The following MRE11 variants were observed in gnomAD, a reference collection of about 807,000 sequenced individuals.
MRE11 encodes the protein MRE11 double strand break repair nuclease.
Under a neutral mutation model 91.7 loss-of-function variants are expected in MRE11, and 62 were observed. The observed-to-expected ratio is 0.68, with a 90% CI of 0.55 to 0.84. The LOEUF is 0.84. MRE11 is among the 40% of genes least tolerant of loss of function. The probability of loss-of-function intolerance (pLI) is 0.00; values close to 1 mark genes in which losing one functional copy is unlikely to be tolerated. For missense variants in MRE11, 796 were observed against 852.9 expected (o/e 0.93, Z 0.83); for synonymous variants, 273 against 271.4 (o/e 1.01, Z -0.06).
intron 7 of MRE11, among the ~76,000 whole-genome samples, chr11:94,474,052 T>C (rs1946787460): frequency 6.6e-6 from 1 of 152,138 alleles, no homozygotes; most frequent in South Asian, 2.1e-4. Context: ...TATACACATA[T>C]ATCTATTCCC....
intron 6 of MRE11, among the ~76,000 whole-genome samples, chr11:94,476,766 G>T (rs1946871677): frequency 1.3e-5 from 2 of 151,862 alleles, no homozygotes; most frequent in Admixed American, 6.6e-5. Context: ...CATTGCCCAG[G>T]CTGGAGTGCA....
intron 18 of MRE11, among the ~76,000 whole-genome samples, chr11:94,431,938 A>T (rs144141622): frequency 6.6e-6 from 1 of 152,352 alleles, no homozygotes; most frequent in East Asian, 1.9e-4. Context: ...CAAAAATATC[A>T]GAATAGCATT....
chr11:94,506,418 G>T, the MRE11 span, among the ~76,000 whole-genome samples: 1 of 151,594 alleles, frequency 6.6e-6, no homozygotes, highest in Non-Finnish European at 1.5e-5. Context: ...ATATGCATTG[G>T]TATATAATTG....
chr11:94,478,107 T>C (rs2135081329), intron 6 of MRE11, among the ~76,000 whole-genome samples: 1 of 152,140 alleles, frequency 6.6e-6, no homozygotes, highest in Non-Finnish European at 1.5e-5. Context: ...CAGGATAAGA[T>C]AAGAGTTTGG....
At chr11:94,435,725 A>G in intron 18 of MRE11, 107 bp downstream of exon 18, 2 of 914,746 alleles carry the variant, frequency 2.2e-6, no homozygotes, top group East Asian at 4.9e-5. Context: ...CTAGTTGAAA[A>G]TAAGTCTGTT....
intron 11 of MRE11, among the ~76,000 whole-genome samples, chr11:94,463,896 G>A (rs1262186952): frequency 2.0e-5 from 3 of 152,058 alleles, no homozygotes; most frequent in Non-Finnish European, 4.4e-5. Context: ...AAACCTGCAC[G>A]TTGTGCACAT....
upstream of MRE11, chr11:94,497,811 C>A: frequency 5.2e-6 from 2 of 385,406 alleles, no homozygotes; most frequent in South Asian, 4.7e-5. Context: ...TTAGTTGGAC[C>A]AGGAGTAAAT....
intron 13 of MRE11, among the ~76,000 whole-genome samples, chr11:94,459,136 A>C (rs2134987808): frequency 6.6e-6 from 1 of 152,312 alleles, no homozygotes; most frequent in East Asian, 1.9e-4. Flanking sequence ...ACCATCCTAC[A>C]AGGTTCACTT....
At chr11:94,421,598 C>T (rs1013258534) in intron 19 of MRE11, among the ~76,000 whole-genome samples, 2 of 152,198 alleles carry the variant, frequency 1.3e-5, no homozygotes, top group African/African-American at 4.8e-5. Context: ...CTGGAAGCAA[C>T]ATGTTAGTAT....
At chr11:94,437,718 C>T (rs1329687334) in intron 16 of MRE11, among the ~76,000 whole-genome samples, 2 of 152,186 alleles carry the variant, frequency 1.3e-5, no homozygotes, top group African/African-American at 2.4e-5. Context: ...TAGAAAACAG[C>T]ATTCTATGAT....
At chr11:94,447,121 G>T in intron 15 of MRE11, 98 bp downstream of exon 15, 4 of 1,248,020 alleles carry the variant, frequency 3.2e-6, no homozygotes, top group Non-Finnish European at 4.6e-6. Context: ...CCGTGTTTTA[G>T]AAATAAAACT....
chr11:94,453,341 G>A lies in MRE11; in HGVS notation c.1563+2935C>T, dbSNP rs372728713. Among the ~76,000 whole-genome samples, 17 of 152,300 alleles carry A rather than the reference G, an allele frequency of 1.1e-4. No individual in the cohort carries two copies. In the East Asian group the frequency reaches 2.9e-3, roughly 26 times the overall value. ...AATTCTTTTGGTTATGTACCTAGAA[G>A]TGAAATTGCTATATTACATGATAAT... On this transcript the variant is annotated intron_variant, in intron 14 of 19. Transcript: ENST00000323929.
At chr11:94,440,600 A>C (rs1169739105) in intron 16 of MRE11, among the ~76,000 whole-genome samples, 1 of 152,184 alleles carries the variant, frequency 6.6e-6, no homozygotes, top group Non-Finnish European at 1.5e-5. Context: ...TCCTGAAGAA[A>C]AATAGAGAGG....
rs1555015159 is a variant in MRE11 at position 94,478,761 on chromosome 11, C to A, written c.518G>T (p.Ser173Ile). The change falls in exon 6 of 20, where the codon AGC becomes ATC. Residue 173 changes from serine to isoleucine, a missense_variant. Transcript: ENST00000323929. ...TAAACCATATAGCGCAATCTTTGTGCTTCCTTTTTGAAGCAAAACCGGACT... is the reference window on the plus strand; with the variant it reads ...TAAACCATATAGCGCAATCTTTGTGATTCCTTTTTGAAGCAAAACCGGACT... ...DISPVLLQKG[S>I]TKIALYGLGS... The A allele has an allele frequency of 1.9e-6, 3 of 1,613,086 alleles. No individual in the cohort carries two copies. In the Admixed American group the frequency reaches 5.0e-5, roughly 27 times the overall value.
At chr11:94,470,675 G>C (rs1249832257) in intron 8 of MRE11, 33 bp from the exon 9 acceptor site, 1 of 1,609,788 alleles carries the variant, frequency 6.2e-7, no homozygotes, top group African/African-American at 1.3e-5. Context: ...CCGAGTCACA[G>C]TGTAAATTTC....
At chr11:94,510,934 T>C in the MRE11 span, among the ~76,000 whole-genome samples, 3 of 152,204 alleles carry the variant, frequency 2.0e-5, no homozygotes, top group African/African-American at 7.2e-5. Flanking sequence ...GATTTTTGTA[T>C]GTTTTGTTCA....
intron 2 of MRE11, 37 bp from the exon 3 acceptor site, chr11:94,491,002 T>C (rs1487158907): frequency 8.5e-7 from 1 of 1,171,820 alleles, no homozygotes; most frequent in East Asian, 2.6e-5. Context: ...AATATATTAA[T>C]AATTCATTAA....
In MRE11 at chr11:94,490,907, C is replaced by T; in HGVS notation, c.79G>A (p.Glu27Lys). The T allele has an allele frequency of 6.3e-7, 1 of 1,596,368 alleles. No individual in the cohort carries two copies. Among genetic ancestry groups the T allele is most frequent in the Non-Finnish European group, 8.6e-7 (1 of 1,164,364 alleles). Residue 27 changes from glutamate (E) to lysine (K), a missense_variant, in exon 3 of 20, where the codon GAG becomes AAG. Glu to Lys is a moderately conservative substitution (Grantham distance 56). Transcript: ENST00000323929. ...TCATTTCCTCTGACTGCATCTTTCTCCATAAATCCAAGATGAATATCTGTT... is the reference window on the plus strand; with the variant it reads ...TCATTTCCTCTGACTGCATCTTTCTTCATAAATCCAAGATGAATATCTGTT... ...VATDIHLGFM[E>K]KDAVRGNDTF...
At chr11:94,436,801 G>C (rs986975621) in intron 17 of MRE11, among the ~76,000 whole-genome samples, 2 of 152,142 alleles carry the variant, frequency 1.3e-5, no homozygotes, top group African/African-American at 4.8e-5. Flanking sequence ...CAGCTGTTAA[G>C]GCACAGCTAG....
Sources: gnomAD v4.1 joint callset for allele counts (sites outside exome capture counted in the v4.1 genomes callset) on GRCh38, gnomAD v4.1.1 for gene constraint, MANE v1.5 for transcripts, NCBI Gene and HGNC (gene_info 2026-07-23, HGNC 2026-07-21) for gene names.